Variants in NDC1 observed in about 807,000 individuals in gnomAD.
NDC1 encodes nucleoporin NDC1.
NDC1 carries 24 observed loss-of-function variants against 89.8 expected under a neutral mutation model. The observed-to-expected ratio is 0.27, with a 90% CI of 0.19 to 0.38. The LOEUF (loss-of-function observed/expected upper bound fraction) is 0.38, where lower values mean the gene tolerates loss of function less well. NDC1 is among the 10% of genes least tolerant of loss of function. NDC1 has a pLI of 1.00. For synonymous variants in NDC1, 296 were observed against 284.8 expected, an observed-to-expected ratio of 1.04 and a Z score of -0.39; for missense variants, 728 against 797.6, an observed-to-expected ratio of 0.91 and a Z score of 1.05.
chr1:53,791,845 C>A (rs1480382891), intron 14 of NDC1, among the ~76,000 whole-genome samples: 1 of 152,076 alleles, frequency 6.6e-6, no homozygotes, highest in East Asian at 1.9e-4. Flanking sequence ...GATAAAAAGA[C>A]ATATCTCACA....
In NDC1 at chr1:53,797,163, A is replaced by C. The variant is rs370390569; in HGVS notation, c.1223-19T>G. Reference sequence around the variant, plus strand: ...GTTTCTTCTGTAAAACAACAGATCCAGTGCTGAAGAGGCAACCTGATCCAA... The same window carrying C: ...GTTTCTTCTGTAAAACAACAGATCCCGTGCTGAAGAGGCAACCTGATCCAA... On this transcript the variant is annotated intron_variant, in intron 11 of 17. Coordinates refer to ENST00000371429, the MANE Select transcript of NDC1 (RefSeq NM_018087.5). 678 of 1,609,744 alleles carry C rather than the reference A, an allele frequency of 4.2e-4. No homozygotes were observed. The highest frequency in any genetic ancestry group is 5.4e-4 in the Non-Finnish European group (634 of 1,176,928).
At chr1:53,826,222 T>C (rs894892205) in intron 4 of NDC1, among the ~76,000 whole-genome samples, 54 of 152,234 alleles carry the variant, frequency 3.5e-4, no homozygotes, top group African/African-American at 1.3e-3. Flanking sequence ...TACAAGTGTC[T>C]GGGCTGACAG....
chr1:53,832,327 C>T (rs1649093961), intron 3 of NDC1, among the ~76,000 whole-genome samples, 163 bp downstream of exon 3: 1 of 152,188 alleles, frequency 6.6e-6, no homozygotes, highest in South Asian at 2.1e-4. Context: ...AAAACAGAAA[C>T]TAGCACCCAA....
Position 53,779,014 on chromosome 1 carries a change from G to A in NDC1, c.1801-6525C>T, listed in dbSNP as rs572881205. Among the ~76,000 whole-genome samples the A allele has an allele frequency of 4.6e-5, 7 of 151,054 alleles. No homozygotes were observed. The East Asian group carries it at 1.2e-3, about 25-fold the overall frequency. On this transcript the variant is annotated intron_variant, in intron 16 of 17. Transcript: ENST00000371429. Reference sequence around the variant, plus strand: ...AAAAAATTATTGGGCATAGTGGTGCGTGCCTGTGGTCCCAGCTACTTGGGA... The same window carrying A: ...AAAAAATTATTGGGCATAGTGGTGCATGCCTGTGGTCCCAGCTACTTGGGA...
intron 17 of NDC1, among the ~76,000 whole-genome samples, chr1:53,768,918 G>C (rs1647089001): frequency 6.6e-6 from 1 of 152,142 alleles, no homozygotes; most frequent in Non-Finnish European, 1.5e-5. Context: ...CAAATCTGTG[G>C]CTTTCCCATT....
At chr1:53,793,751 G>A (rs914309802) in intron 13 of NDC1, among the ~76,000 whole-genome samples, 22 of 151,656 alleles carry the variant, frequency 1.5e-4, no homozygotes, top group African/African-American at 5.1e-4. Context: ...CACCATGTCC[G>A]GTTAATTTTT....
intron 10 of NDC1, among the ~76,000 whole-genome samples, chr1:53,802,975 T>A (rs915520238): frequency 4.6e-5 from 7 of 152,174 alleles, no homozygotes; most frequent in Non-Finnish European, 8.8e-5. Flanking sequence ...TTAACTTTAT[T>A]TAAGCCAATC....
intron 5 of NDC1, among the ~76,000 whole-genome samples, chr1:53,825,471 A>C (rs1480437057): frequency 1.3e-5 from 2 of 151,246 alleles, no homozygotes; most frequent in Non-Finnish European, 2.9e-5. Flanking sequence ...AAGAAGCTAC[A>C]CAGAGTACTT....
At chr1:53,804,937 T>A (rs1648052467) in intron 9 of NDC1, among the ~76,000 whole-genome samples, 1 of 152,186 alleles carries the variant, frequency 6.6e-6, no homozygotes, top group Non-Finnish European at 1.5e-5. Context: ...TTTAGTTATT[T>A]TGGGCGTCTG....
chr1:53,838,278 A>C lies in NDC1; in HGVS notation c.-17T>G, dbSNP rs1649309832. ...CGTGGCCATGGAGATGGCGGCCCCT[A>C]GTCTAGGGCGTACAGGAGACCGTGC... On this transcript the variant is annotated 5_prime_UTR_variant, in exon 1 of 18. Transcript: ENST00000371429. 1 of 1,534,618 alleles carries C rather than the reference A, an allele frequency of 6.5e-7. No homozygotes were observed. The highest frequency in any genetic ancestry group is 1.9e-4 in the Middle Eastern group (1 of 5,218).
At position 53,823,160 on chromosome 1, in the gene NDC1, C is replaced by G. The variant is rs1024214935; in HGVS notation, c.594+2638G>C. On this transcript the variant is annotated intron_variant, in intron 5 of 17. Coordinates refer to ENST00000371429, the MANE Select transcript of NDC1 (RefSeq NM_018087.5). ...ATCATTTCCACTAGTCTTGCCAAAT[C>G]TTCAGCTTCCTCATTCCACTGCCCT... 5.9e-5 allele frequency among the ~76,000 whole-genome samples: 9 copies of G among 152,268 alleles called. 1 individual carries two copies. Among genetic ancestry groups the G allele is most frequent in the African/African-American group, 1.9e-4 (8 of 41,540 alleles).
intron 16 of NDC1, among the ~76,000 whole-genome samples, chr1:53,786,956 A>G (rs897546852): frequency 5.3e-5 from 8 of 152,178 alleles, no homozygotes; most frequent in African/African-American, 1.9e-4. Context: ...TCAGCCTCCC[A>G]AAGTGCTAGG....
At position 53,796,792 on chromosome 1, in the gene NDC1, G is replaced by A. The variant is rs1209407324; in HGVS notation, c.1481C>T (p.Thr494Ile). The change falls in exon 13 of 18, where the codon ACT becomes ATT. Residue 494 changes from threonine (T) to isoleucine (I), a missense_variant. Thr to Ile is a moderately conservative substitution (Grantham distance 89). Transcript: ENST00000371429. ...LWTSASDQQM[T>I]EFSNPSPSTS... is the part of the protein sequence containing the mutation. ...AGATGGAGAAGGATTAGAAAATTCA[G>A]TCATTTGCTGATCTATTTTTAAAAA... The A allele has an allele frequency of 1.9e-6, 3 of 1,609,024 alleles. No homozygotes were observed. Among genetic ancestry groups the A allele is most frequent in the Non-Finnish European group, 2.5e-6 (3 of 1,178,652 alleles).
At chr1:53,813,619 C>G (rs1214948966) in intron 6 of NDC1, among the ~76,000 whole-genome samples, 1 of 151,828 alleles carries the variant, frequency 6.6e-6, no homozygotes, top group Non-Finnish European at 1.5e-5. Flanking sequence ...TTGGAGCTCC[C>G]AAATTTATAA....
In NDC1 at chr1:53,838,234, C is replaced by G. The variant is rs572040816; in HGVS notation, c.28G>C (p.Ala10Pro). The G allele has an allele frequency of 1.3e-6, 2 of 1,536,796 alleles. No individual in the cohort carries two copies. Among genetic ancestry groups the G allele is most frequent in the Admixed American group, 2.0e-5 (1 of 50,936 alleles). ...CACAGTATGTCCCGCGACCTGCCGG[C>G]GCAGGGCCGGCTCACGGCCGTGGCC... MATAVSRPC[A>P]GRSRDILWRV... Residue 10 changes from alanine to proline, a missense_variant, in exon 1 of 18, where the codon GCC becomes CCC. Physicochemically the swap from Ala to Pro is conservative, Grantham distance 27. Coordinates refer to ENST00000371429, the MANE Select transcript of NDC1 (RefSeq NM_018087.5).
intron 6 of NDC1, among the ~76,000 whole-genome samples, chr1:53,811,725 C>A (rs540840635): frequency 1.3e-5 from 2 of 151,964 alleles, no homozygotes; most frequent in African/African-American, 4.8e-5. Context: ...GGGCCCCACC[C>A]ACTGCCAGTC....
In NDC1 at chr1:53,787,342, T is replaced by C. The variant is rs146569601; in HGVS notation, c.1700-84A>G. 1,418 of 776,030 alleles carry C rather than the reference T, an allele frequency of 1.8e-3. 8 individuals are homozygous for C. The highest frequency in any genetic ancestry group is 2.7e-3 in the Non-Finnish European group (1,262 of 468,018). 48.1% of individuals were successfully genotyped at this position (776,030 alleles called of 1,614,324 possible). On this transcript the variant is annotated intron_variant, in intron 15 of 17. Transcript: ENST00000371429. ...ATACATCTATTTTAGGAAGGATTAATATTCTGAATATAAAAAGAAATAAAG... is the reference window on the plus strand; with the variant it reads ...ATACATCTATTTTAGGAAGGATTAACATTCTGAATATAAAAAGAAATAAAG...
chr1:53,787,169 T>C lies in NDC1; in HGVS notation c.1789A>G (p.Thr597Ala), dbSNP rs1473257110. 2.5e-6 allele frequency: 4 copies of C among 1,599,022 alleles called. No homozygotes were observed. Among genetic ancestry groups the C allele is most frequent in the Middle Eastern group, 1.6e-4 (1 of 6,062 alleles). The change falls in exon 16 of 18, where the codon ACA becomes GCA. Residue 597 changes from threonine to alanine, a missense_variant. Physicochemically the swap from Thr to Ala is moderately conservative, Grantham distance 58 (BLOSUM62 0). Transcript: ENST00000371429. ...CACAGATTTCTTACCTCTTGCAGTG[T>C]CAACAAAGTATTAAGGATAGCTGGT... ...TLPAILNTLLTLQEAVDKYFK... is the reference protein window; with the variant it reads ...TLPAILNTLLALQEAVDKYFK...
At chr1:53,808,541 T>C (rs541178020) in intron 7 of NDC1, among the ~76,000 whole-genome samples, 5 of 152,310 alleles carry the variant, frequency 3.3e-5, no homozygotes, top group Non-Finnish European at 5.9e-5. Context: ...GTGCTTGACA[T>C]TCACTGGGGG....
Sources: allele counts gnomAD v4.1 joint callset (sites outside exome capture counted in the v4.1 genomes callset), GRCh38; gene constraint gnomAD v4.1.1; transcripts MANE v1.5; gene names NCBI Gene and HGNC (gene_info 2026-07-23, HGNC 2026-07-21).